The following CTSC variants were observed in gnomAD, a reference collection of about 807,000 sequenced individuals.
The protein encoded by CTSC is dipeptidyl peptidase 1.
CTSC carries 37 observed loss-of-function variants against 40.9 expected under a neutral mutation model. That is an observed-to-expected ratio of 0.91 (90% confidence interval 0.70 to 1.19). The LOEUF (loss-of-function observed/expected upper bound fraction) is 1.19. CTSC is among the 50% of genes most tolerant of loss of function. The pLI is 0.00. For synonymous variants in CTSC, 232 were observed against 207.4 expected, an observed-to-expected ratio of 1.12 and a Z score of -1.02; for missense variants, 594 against 567.3, an observed-to-expected ratio of 1.05 and a Z score of -0.48.
At chr11:88,294,567 T>G (rs1944278488) in intron 6 of CTSC, 59 bp from the exon 7 acceptor site, 1 of 1,591,350 alleles carries the variant, frequency 6.3e-7, no homozygotes, top group East Asian at 2.2e-5. Flanking sequence ...TCCCATTTTC[T>G]ATTTTTTCTT....
chr11:88,301,672 T>C (rs1227565617), intron 4 of CTSC, among the ~76,000 whole-genome samples: 1 of 152,128 alleles, frequency 6.6e-6, no homozygotes, highest in Non-Finnish European at 1.5e-5. Flanking sequence ...TGTTGGGCTG[T>C]AAGACACACA....
At position 88,293,730 on chromosome 11, in the gene CTSC, C is replaced by T; in HGVS notation, c.*276G>A. 1 of 435,580 alleles carries T rather than the reference C, an allele frequency of 2.3e-6. No individual in the cohort carries two copies. The highest frequency in any genetic ancestry group is 4.2e-6 in the Non-Finnish European group (1 of 240,844). 27.0% of individuals were successfully genotyped at this position (435,580 alleles called of 1,614,324 possible). Reference sequence around the variant, plus strand: ...TTCACATTGATTTTAAAAAATATAGCATGTTTGAATTACAAATGATTAAGC... The same window carrying T: ...TTCACATTGATTTTAAAAAATATAGTATGTTTGAATTACAAATGATTAAGC... On this transcript the variant is annotated 3_prime_UTR_variant, in exon 7 of 7. Coordinates refer to ENST00000227266, the MANE Select transcript of CTSC (RefSeq NM_001814.6).
At chr11:88,336,393 G>A (rs1475019857) in intron 1 of CTSC, among the ~76,000 whole-genome samples, 4 of 151,756 alleles carry the variant, frequency 2.6e-5, no homozygotes, top group South Asian at 2.1e-4. Flanking sequence ...CAAAATATTA[G>A]CCGGGCGTGG....
Position 88,334,796 on chromosome 11 carries a change from C to A in CTSC, c.318+141G>T, listed in dbSNP as rs1436145325. On this transcript the variant is annotated intron_variant, in intron 2 of 6. Coordinates refer to ENST00000227266, the MANE Select transcript of CTSC (RefSeq NM_001814.6). ...AAATAAAGTGGCAAAATTATACCAA[C>A]TACTACTACTCTTGGGAAGAGTGGT... The A allele has an allele frequency of 4.5e-6, 3 of 666,698 alleles. No individual in the cohort carries two copies. The South Asian group carries it at 5.3e-5, about 12-fold the overall frequency. The allele number at this position is 666,698 out of a possible 1,614,324, so 41.3% of individuals were successfully genotyped here.
intron 5 of CTSC, chr11:88,299,742 T>TA (rs1484989565): frequency 6.6e-6 from 1 of 152,194 alleles, no homozygotes; most frequent in Non-Finnish European, 1.5e-5. Flanking sequence ...TATTTTATAG[T>TA]AACAAATCAG....
intron 2 of CTSC, chr11:88,325,600 T>C: frequency 1.5e-5 from 15 of 985,246 alleles, no homozygotes; most frequent in Non-Finnish European, 1.8e-5. Flanking sequence ...ATTAATTTTC[T>C]CTATCTATAA....
Position 88,326,971 on chromosome 11 carries a change from GA to G in CTSC, c.318+7965del, listed in dbSNP as rs902628327. On this transcript the variant is annotated intron_variant, in intron 2 of 6. Transcript: ENST00000227266. ...TTTTGAGAACAGCTTATTTTTCGTG[GA>G]AAAAAAAAATAGTGAACCTATCTGG... is the stretch of plus-strand genomic sequence containing the variant. 8.0e-3 allele frequency among the ~76,000 whole-genome samples: 1,185 copies of G among 148,886 alleles called. 22 individuals are homozygous for G. Among genetic ancestry groups the G allele is most frequent in the African/African-American group, 0.027 (1,108 of 40,744 alleles).
chr11:88,302,378 C>A (rs1202315595), intron 4 of CTSC, among the ~76,000 whole-genome samples: 1 of 152,140 alleles, frequency 6.6e-6, no homozygotes, highest in Non-Finnish European at 1.5e-5. Context: ...GTAATCCCAG[C>A]ATTGGGAGGC....
chr11:88,310,338 G>C (rs1937724948), intron 3 of CTSC, among the ~76,000 whole-genome samples: 1 of 152,056 alleles, frequency 6.6e-6, no homozygotes, highest in South Asian at 2.1e-4. Context: ...TCAGGAAGCT[G>C]ATTATTCACT....
intron 5 of CTSC, 73 bp from the exon 6 acceptor site, chr11:88,296,337 T>A (rs993320533): frequency 1.3e-6 from 2 of 1,568,098 alleles, no homozygotes; most frequent in East Asian, 2.3e-5. Context: ...AAAACCTTAG[T>A]GAATCACATA....
chr11:88,305,154 G>C (rs1366818112), intron 4 of CTSC, among the ~76,000 whole-genome samples: 2 of 151,850 alleles, frequency 1.3e-5, no homozygotes, highest in Non-Finnish European at 2.9e-5. Flanking sequence ...GTCTAAAAAG[G>C]GGAGGCATGA....
chr11:88,315,815 CAGAAATG>C (rs1197520937), intron 2 of CTSC, among the ~76,000 whole-genome samples: 3 of 152,096 alleles, frequency 2.0e-5, no homozygotes, highest in Non-Finnish European at 4.4e-5. Flanking sequence ...GGGAGATACC[CAGAAATG>C]ACAGAAAAGG....
rs75031792 is a variant in CTSC, at chr11:88,311,853, C to T, written c.485+535G>A. Among the ~76,000 whole-genome samples the T allele has an allele frequency of 1.1e-3, 164 of 152,292 alleles. 1 individual carries two copies. In the East Asian group the frequency reaches 0.027, roughly 25 times the overall value. ...CCAAGGAGTGTGGCCTTGGAAGAAA[C>T]CAAACCTGACAACACCTCAATCTTG... On this transcript the variant is annotated intron_variant, in intron 3 of 6. Coordinates refer to ENST00000227266, the MANE Select transcript of CTSC (RefSeq NM_001814.6).
Position 88,312,498 on chromosome 11 carries a change from C to T in CTSC, c.375G>A (p.Trp125Ter). ...AGTTCCGGCCCAACACATCATGCAC[C>T]CACCCAGTCATTGTCTCGTTGCAGT... ...TTYCNETMTG[W>*]VHDVLGRNWA... Residue 125 changes from tryptophan (W) to a stop codon, truncating the protein, a stop_gained, in exon 3 of 7, where the codon TGG becomes TGA. Coordinates refer to ENST00000227266, the MANE Select transcript of CTSC (RefSeq NM_001814.6). LOFTEE classifies it high-confidence loss of function. 1 of 1,614,140 alleles carries T rather than the reference C, an allele frequency of 6.2e-7. No homozygotes were observed. The highest frequency in any genetic ancestry group is 8.5e-7 in the Non-Finnish European group (1 of 1,180,014).
intron 2 of CTSC, among the ~76,000 whole-genome samples, chr11:88,315,799 A>G (rs1332131190): frequency 6.6e-6 from 1 of 152,140 alleles, no homozygotes; most frequent in Non-Finnish European, 1.5e-5. Flanking sequence ...TACTAAAATC[A>G]CTGACGGGAG....
At chr11:88,308,295 G>T (rs186262392) in intron 4 of CTSC, among the ~76,000 whole-genome samples, 2 of 152,260 alleles carry the variant, frequency 1.3e-5, no homozygotes, top group Admixed American at 1.3e-4. Context: ...AGGCTGTGGG[G>T]AGAAGAGGAA....
intron 2 of CTSC, among the ~76,000 whole-genome samples, chr11:88,314,076 C>T (rs779741692): frequency 6.6e-5 from 10 of 152,178 alleles, no homozygotes; most frequent in Non-Finnish European, 1.3e-4. Flanking sequence ...AGTTTGTGGA[C>T]TCCTGCTCTA....
In CTSC at chr11:88,309,874, A is replaced by G. The variant is rs549772348; in HGVS notation, c.486-556T>C. On this transcript the variant is annotated intron_variant, in intron 3 of 6. Transcript: ENST00000227266. ...CTATAAATGCATTTTTAAAATGCCAAACATGGTTACCTCTGAATGGTGGCA... is the reference window on the plus strand; with the variant it reads ...CTATAAATGCATTTTTAAAATGCCAGACATGGTTACCTCTGAATGGTGGCA... 2.0e-4 allele frequency among the ~76,000 whole-genome samples: 31 copies of G among 151,718 alleles called. No individual in the cohort carries two copies. In the East Asian group the frequency reaches 5.2e-3, roughly 26 times the overall value.
chr11:88,314,885 T>C (rs1937840882), intron 2 of CTSC, among the ~76,000 whole-genome samples: 1 of 152,112 alleles, frequency 6.6e-6, no homozygotes, highest in African/African-American at 2.4e-5. Flanking sequence ...ATGGCTTCAC[T>C]AGCATGAGTT....
Sources: allele counts gnomAD v4.1 joint callset (sites outside exome capture counted in the v4.1 genomes callset), GRCh38; gene constraint gnomAD v4.1.1; transcripts MANE v1.5; gene names NCBI Gene and HGNC (gene_info 2026-07-23, HGNC 2026-07-21).